RAB1A: variants seen among roughly 807,000 people sequenced by gnomAD.
RAB1A encodes ras-related protein Rab-1A.
RAB1A carries 2 observed loss-of-function variants against 26.0 expected under a neutral mutation model. That is an observed-to-expected ratio of 0.08 (90% CI 0.03 to 0.24). RAB1A has a LOEUF of 0.24. RAB1A is among the 10% of genes least tolerant of loss of function. The pLI, the probability that RAB1A is intolerant of heterozygous loss-of-function variation, is 1.00. For synonymous variants in RAB1A, 84 were observed against 84.9 expected (o/e 0.99, Z 0.06); for missense variants, 100 against 247.0 (o/e 0.40, Z 3.99).
intron 1 of RAB1A, among the ~76,000 whole-genome samples, chr2:65,109,187 A>C (rs1390441061): frequency 6.6e-6 from 1 of 152,252 alleles, no homozygotes; most frequent in Non-Finnish European, 1.5e-5. Context: ...ATAATTTACA[A>C]AACACCACAC....
intron 4 of RAB1A, among the ~76,000 whole-genome samples, chr2:65,089,940 T>A (rs1433061997): frequency 6.6e-6 from 1 of 152,160 alleles, no homozygotes; most frequent in East Asian, 1.9e-4. Context: ...TGACCTCAGG[T>A]GATCCGCCCG....
chr2:65,106,587 G>A (rs1179042118), intron 1 of RAB1A, among the ~76,000 whole-genome samples: 2 of 144,720 alleles, frequency 1.4e-5, no homozygotes, highest in Non-Finnish European at 3.0e-5. Context: ...TTATATATGA[G>A]GAAAATAATT....
At chr2:65,098,833 C>CTACTTTTT (rs1553392054) in intron 2 of RAB1A, among the ~76,000 whole-genome samples, 2 of 39,540 alleles carry the variant, frequency 5.1e-5, no homozygotes, top group East Asian at 1.2e-3. Context: ...TGTAACAGTA[C>CTACTTTTT]TTCTTTTTTT....
At chr2:65,110,478 G>A (rs2103859625) in intron 1 of RAB1A, among the ~76,000 whole-genome samples, 1 of 149,222 alleles carries the variant, frequency 6.7e-6, no homozygotes, top group East Asian at 1.9e-4. Context: ...AACAATTTGA[G>A]GCACAAAATA....
chr2:65,108,971 C>T (rs1217606597), intron 1 of RAB1A, among the ~76,000 whole-genome samples: 1 of 152,166 alleles, frequency 6.6e-6, no homozygotes, highest in East Asian at 1.9e-4. Flanking sequence ...ACAACAGTCA[C>T]ATGAGAAAGG....
chr2:65,096,152 C>CAA (rs563101669), intron 3 of RAB1A, among the ~76,000 whole-genome samples: 8 of 133,314 alleles, frequency 6.0e-5, no homozygotes, highest in Admixed American at 7.6e-5. Context: ...GGCTCCATCT[C>CAA]AAAAAAAAAA....
At chr2:65,093,747 C>T (rs1669222770) in intron 3 of RAB1A, among the ~76,000 whole-genome samples, 1 of 151,584 alleles carries the variant, frequency 6.6e-6, no homozygotes, top group African/African-American at 2.4e-5. Context: ...CTCAGCCTCC[C>T]AAGTAGCTGG....
intron 1 of RAB1A, among the ~76,000 whole-genome samples, chr2:65,124,454 T>G (rs1430251477): frequency 6.6e-6 from 1 of 152,008 alleles, no homozygotes; most frequent in East Asian, 1.9e-4. Flanking sequence ...TCATTTTATT[T>G]TACTTTATTT....
intron 4 of RAB1A, among the ~76,000 whole-genome samples, chr2:65,089,701 AATT>A (rs1669122992): frequency 1.6e-5 from 1 of 62,670 alleles, no homozygotes; most frequent in Non-Finnish European, 2.9e-5. Context: ...AAATTTGATT[AATT>A]TTTTTTTTTT....
At position 65,129,874 on chromosome 2, in the gene RAB1A, G is replaced by C. The variant is rs1193867561; in HGVS notation, c.23+19C>G. On this transcript the variant is annotated intron_variant, in intron 1 of 5. Transcript: ENST00000409784. ...AGCTGGCCCACGGACCCAGCCGACCGGTGCTCTCCTGAACTCACTATTCGG... is the reference window on the plus strand; with the variant it reads ...AGCTGGCCCACGGACCCAGCCGACCCGTGCTCTCCTGAACTCACTATTCGG... 1 of 1,592,236 alleles carries C rather than the reference G, an allele frequency of 6.3e-7. No individual in the cohort carries two copies. Among genetic ancestry groups the C allele is most frequent in the Admixed American group, 1.8e-5 (1 of 56,222 alleles).
At chr2:65,109,086 TA>T (rs1438331677) in intron 1 of RAB1A, among the ~76,000 whole-genome samples, 4 of 152,218 alleles carry the variant, frequency 2.6e-5, no homozygotes, top group African/African-American at 9.6e-5. Context: ...CATTTTAAAT[TA>T]CCTACTACAG....
At chr2:65,106,503 T>C (rs1669564267) in intron 1 of RAB1A, 6 of 207,078 alleles carry the variant, frequency 2.9e-5, no homozygotes, top group Middle Eastern at 4.7e-4. Flanking sequence ...CATAATGATA[T>C]GCATTACTTA....
chr2:65,090,865 T>G (rs1669157493), intron 4 of RAB1A, 118 bp downstream of exon 4: 1 of 542,964 alleles, frequency 1.8e-6, no homozygotes, highest in East Asian at 3.2e-5. Context: ...GTGGACAAAG[T>G]TTTCTGCCAT....
At chr2:65,101,813 G>A (rs1000712527) in intron 2 of RAB1A, among the ~76,000 whole-genome samples, 8 of 139,324 alleles carry the variant, frequency 5.7e-5, no homozygotes, top group South Asian at 4.5e-4. Context: ...GCAATGGTGC[G>A]ATCTCGACTC....
At chr2:65,112,438 T>C (rs1339590838) in intron 1 of RAB1A, among the ~76,000 whole-genome samples, 1 of 152,134 alleles carries the variant, frequency 6.6e-6, no homozygotes, top group Non-Finnish European at 1.5e-5. Flanking sequence ...TAAGCCACCG[T>C]ACCCAGCCAC....
chr2:65,108,515 G>A (rs933852054), intron 1 of RAB1A, among the ~76,000 whole-genome samples: 11 of 151,526 alleles, frequency 7.3e-5, no homozygotes, highest in African/African-American at 2.7e-4. Flanking sequence ...TTATTTTAAC[G>A]CATTATGGCT....
At chr2:65,095,099 CAA>C (rs1669251923) in intron 3 of RAB1A, among the ~76,000 whole-genome samples, 1 of 151,502 alleles carries the variant, frequency 6.6e-6, no homozygotes, top group African/African-American at 2.4e-5. Flanking sequence ...GCGAGGGAGA[CAA>C]AGTGAAATTT....
intron 1 of RAB1A, 104 bp downstream of exon 1, chr2:65,129,789 C>T: frequency 6.6e-7 from 1 of 1,524,780 alleles, no homozygotes. Flanking sequence ...ACCCTCGCCT[C>T]ACCCCAGCCG....
chr2:65,104,843 C>T, intron 1 of RAB1A, 37 bp from the exon 2 acceptor site: 1 of 1,464,806 alleles, frequency 6.8e-7, no homozygotes, highest in Non-Finnish European at 9.6e-7. Flanking sequence ...TAATAAAAAG[C>T]ACACTGCATT....
Sources: allele counts gnomAD v4.1 joint callset (sites outside exome capture counted in the v4.1 genomes callset), GRCh38; gene constraint gnomAD v4.1.1; transcripts MANE v1.5; gene names NCBI Gene and HGNC (gene_info 2026-07-23, HGNC 2026-07-21).